Variants in PPARGC1B observed in about 807,000 individuals in gnomAD.
PPARGC1B encodes PPARG coactivator 1 beta, also known as peroxisome proliferator-activated receptor gamma coactivator 1-beta.
PPARGC1B carries 34 observed loss-of-function variants against 101.6 expected under a neutral mutation model. The ratio of observed to expected loss-of-function variants is 0.33; its 90% CI spans 0.25 to 0.45. PPARGC1B has a LOEUF of 0.45. Ranked by LOEUF, PPARGC1B falls within the 20% of genes least tolerant of loss-of-function variation. The pLI, the probability that PPARGC1B is intolerant of heterozygous loss-of-function variation, is 1.00. For synonymous variants in PPARGC1B, 548 were observed against 539.3 expected (o/e 1.02, Z -0.22); for missense variants, 1,234 against 1,317.6 (o/e 0.94, Z 0.98).
Position 149,730,574 on chromosome 5 carries a change from G to A in PPARGC1B, c.78+154G>A, listed in dbSNP as rs551499101. ...CCCCCTTCCAGGCGCCCTGCGATGC[G>A]CTCCGTTACCGGGGCAGGGAGCCGG... is the stretch of plus-strand genomic sequence containing the variant. On this transcript the variant is annotated intron_variant, in intron 1 of 11. Transcript: ENST00000309241. This position sits in a 1 kb window ranked among gnomAD's most constrained non-coding sequence, Gnocchi z 4.0. 1.6e-4 allele frequency among the ~76,000 whole-genome samples: 24 copies of A among 152,184 alleles called. 1 individual carries two copies. In the South Asian group the frequency reaches 5.0e-3, roughly 32 times the overall value.
chr5:149,755,997 G>C (rs1403288816), intron 1 of PPARGC1B, among the ~76,000 whole-genome samples: 3 of 152,180 alleles, frequency 2.0e-5, no homozygotes, highest in Non-Finnish European at 4.4e-5. Context: ...GCAGCAGTCA[G>C]GGTTCAAGAC....
At position 149,763,174 on chromosome 5, in the gene PPARGC1B, C is replaced by T. The variant is rs568687889; in HGVS notation, c.78+32754C>T. Among the ~76,000 whole-genome samples, 39 of 151,812 alleles carry T rather than the reference C, an allele frequency of 2.6e-4. No individual in the cohort carries two copies. The East Asian group carries it at 7.4e-3, about 29-fold the overall frequency. On this transcript the variant is annotated intron_variant, in intron 1 of 11. Coordinates refer to ENST00000309241, the MANE Select transcript of PPARGC1B (RefSeq NM_133263.4). ...CCTCCCCACTCTGGCCCTGCAGCCTCGCTTGCTCCCTCCGGCCTTTGGCCC... is the reference window on the plus strand; with the variant it reads ...CCTCCCCACTCTGGCCCTGCAGCCTTGCTTGCTCCCTCCGGCCTTTGGCCC...
rs1278021708 is a variant in PPARGC1B at position 149,730,865 on chromosome 5, CTAGTCCTCCAGGCTG to C, written c.78+452_78+466del. On this transcript the variant is annotated intron_variant, in intron 1 of 11. Transcript: ENST00000309241. This position sits in a 1 kb window ranked among gnomAD's most constrained non-coding sequence, Gnocchi z 4.0. ...TGCATGCCCGGGTCTCCGGAGTCCC[CTAGTCCTCCAGGCTG>C]TAGTCCCCAGAGTGCTGTTGCTGGC... 6.6e-6 allele frequency among the ~76,000 whole-genome samples: 1 copy of C among 152,208 alleles called. No individual in the cohort carries two copies. The highest frequency in any genetic ancestry group is 1.5e-5 in the Non-Finnish European group (1 of 68,026).
chr5:149,833,408 AGAG>A lies in PPARGC1B; in HGVS notation c.1348_1350del (p.Glu450del), dbSNP rs775851646. ...AGGAGGAGGAAGAGGAAGAAGAAAA[AGAG>A]GAGGAGGAGGAGTGGGGCAGGAAAA... On this transcript the variant is annotated inframe_deletion, in exon 5 of 12. Transcript: ENST00000309241. The surrounding 1 kb of genome is among the most constrained non-coding windows in gnomAD (Gnocchi z 4.1). 8.1e-6 allele frequency: 13 copies of A among 1,603,164 alleles called. No individual in the cohort carries two copies. Among genetic ancestry groups the A allele is most frequent in the East Asian group, 4.5e-5 (2 of 44,344 alleles).
intron 1 of PPARGC1B, among the ~76,000 whole-genome samples, chr5:149,781,025 G>C (rs1756578307): frequency 6.6e-6 from 1 of 152,194 alleles, no homozygotes; most frequent in Non-Finnish European, 1.5e-5. Flanking sequence ...CCAACATGGT[G>C]AAACCCCCAT....
At chr5:149,800,154 C>T (rs1757383703) in intron 1 of PPARGC1B, among the ~76,000 whole-genome samples, 1 of 152,152 alleles carries the variant, frequency 6.6e-6, no homozygotes, top group Admixed American at 6.5e-5. Flanking sequence ...TCCTACTATT[C>T]TTGTGTGTCC....
Position 149,730,354 on chromosome 5 carries a change from C to T in PPARGC1B, c.12C>T (p.Asn4=). 3.2e-6 allele frequency: 5 copies of T among 1,565,572 alleles called. No homozygotes were observed. The highest frequency in any genetic ancestry group is 2.5e-5 in the East Asian group (1 of 40,494). MAG[N]DCGALLDEEL... Reference sequence around the variant, plus strand: ...GCCGCGGCTGGAAGATGGCGGGGAACGACTGCGGCGCGCTGCTGGACGAAG... The same window carrying T: ...GCCGCGGCTGGAAGATGGCGGGGAATGACTGCGGCGCGCTGCTGGACGAAG... The change falls in exon 1 of 12, where the codon AAC becomes AAT. Residue 4 remains asparagine, a synonymous_variant. Transcript: ENST00000309241. This position sits in a 1 kb window ranked among gnomAD's most constrained non-coding sequence, Gnocchi z 4.0.
At chr5:149,782,596 T>C (rs975934443) in intron 1 of PPARGC1B, among the ~76,000 whole-genome samples, 3 of 152,228 alleles carry the variant, frequency 2.0e-5, no homozygotes, top group African/African-American at 7.2e-5. Flanking sequence ...CCAGAGCAGC[T>C]GAGCTGGATA....
rs141168409 is a variant in PPARGC1B at position 149,833,232 on chromosome 5, C to T, written c.1159C>T (p.Arg387Cys). The T allele has an allele frequency of 1.7e-5, 27 of 1,613,222 alleles. No homozygotes were observed. The South Asian group carries it at 2.5e-4, about 15-fold the overall frequency. Reference sequence around the variant, plus strand: ...CAAAGACAGTCAGGCCTCCCCTGGTCGCCCGTCCTCGGTGGAGGAGGTAAG... The same window carrying T: ...CAAAGACAGTCAGGCCTCCCCTGGTTGCCCGTCCTCGGTGGAGGAGGTAAG... ...PPKDSQASPGRPSSVEEVRIA... is the reference protein window; with the variant it reads ...PPKDSQASPGCPSSVEEVRIA... Residue 387 changes from arginine to cysteine, a missense_variant, in exon 5 of 12, where the codon CGC becomes TGC. Physicochemically the swap from Arg to Cys is radical, Grantham distance 180. Coordinates refer to ENST00000309241, the MANE Select transcript of PPARGC1B (RefSeq NM_133263.4). This position sits in a 1 kb window ranked among gnomAD's most constrained non-coding sequence, Gnocchi z 4.1.
chr5:149,748,822 G>A (rs1183495445), intron 1 of PPARGC1B, among the ~76,000 whole-genome samples: 2 of 152,324 alleles, frequency 1.3e-5, no homozygotes, highest in African/African-American at 4.8e-5. Flanking sequence ...ATGTCTGGAA[G>A]AATCCAAAGA....
intron 6 of PPARGC1B, 126 bp from the exon 7 acceptor site, chr5:149,835,175 C>A: frequency 1.2e-6 from 1 of 840,176 alleles, no homozygotes; most frequent in Non-Finnish European, 2.0e-6. Flanking sequence ...GCATCTCAGG[C>A]TCCATTTCCA....
At chr5:149,741,123 G>T (rs1401974118) in intron 1 of PPARGC1B, among the ~76,000 whole-genome samples, 1 of 152,156 alleles carries the variant, frequency 6.6e-6, no homozygotes. Flanking sequence ...AGCCCTGCTT[G>T]GCTGAGAGAT....
intron 1 of PPARGC1B, among the ~76,000 whole-genome samples, chr5:149,787,961 G>C (rs10875550): frequency 0.45 from 68,092 of 152,000 alleles, 15,490 homozygotes; most frequent in East Asian, 0.7. Flanking sequence ...AGACCTAAAA[G>C]CATAAAAATC....
rs566122908 is a variant in PPARGC1B, at chr5:149,832,551, A to G, written c.583-105A>G. 26 of 920,924 alleles carry G rather than the reference A, an allele frequency of 2.8e-5. No individual in the cohort carries two copies. Among genetic ancestry groups the G allele is most frequent in the East Asian group, 1.3e-4 (5 of 38,046 alleles). 57.0% of individuals were successfully genotyped at this position (920,924 alleles called of 1,614,324 possible). ...GAATGAAGGAAACCTGGCTGTTCCT[A>G]TGATCCAGGTGAGACACAATGGGCC... On this transcript the variant is annotated intron_variant, in intron 4 of 11. Transcript: ENST00000309241. The surrounding 1 kb of genome is among the most constrained non-coding windows in gnomAD (Gnocchi z 4.9).
At chr5:149,800,222 T>C (rs887227177) in intron 1 of PPARGC1B, among the ~76,000 whole-genome samples, 1 of 152,168 alleles carries the variant, frequency 6.6e-6, no homozygotes, top group Admixed American at 6.6e-5. Context: ...ATAAAAAAAG[T>C]GTAAACAGGA....
At chr5:149,766,031 A>G (rs557644540) in intron 1 of PPARGC1B, among the ~76,000 whole-genome samples, 2 of 152,370 alleles carry the variant, frequency 1.3e-5, no homozygotes, top group African/African-American at 4.8e-5. Flanking sequence ...AAATGAATAC[A>G]TATAGAAATG....
intron 1 of PPARGC1B, among the ~76,000 whole-genome samples, chr5:149,752,052 T>A (rs1273196474): frequency 6.6e-6 from 1 of 152,248 alleles, no homozygotes; most frequent in East Asian, 1.9e-4. Context: ...GCTACTTCCC[T>A]GTGCATGTGC....
chr5:149,801,834 C>A (rs1757439713), intron 1 of PPARGC1B, among the ~76,000 whole-genome samples: 1 of 152,146 alleles, frequency 6.6e-6, no homozygotes, highest in Non-Finnish European at 1.5e-5. Context: ...GAAGGCCCAG[C>A]AACCCAGAGA....
chr5:149,832,751 C>T lies in PPARGC1B; in HGVS notation c.678C>T (p.Cys226=), dbSNP rs1296901856. 1.9e-6 allele frequency: 3 copies of T among 1,612,318 alleles called. No individual in the cohort carries two copies. The highest frequency in any genetic ancestry group is 1.1e-5 in the South Asian group (1 of 90,928). Residue 226 remains cysteine, a synonymous_variant, in exon 5 of 12, where the codon TGC becomes TGT. Transcript: ENST00000309241. The surrounding 1 kb of genome is among the most constrained non-coding windows in gnomAD (Gnocchi z 4.9). Reference sequence around the variant, plus strand: ...AGCACCTCACCTCGGCACAGTGCTGCCTGCAGGATCGGGGTCTGCAGCCAC... The same window carrying T: ...AGCACCTCACCTCGGCACAGTGCTGTCTGCAGGATCGGGGTCTGCAGCCAC... ...LHKHLTSAQC[C]LQDRGLQPPC... is the part of the protein sequence containing the mutation.
Sources: allele counts gnomAD v4.1 joint callset (sites outside exome capture counted in the v4.1 genomes callset), GRCh38; gene constraint gnomAD v4.1.1; non-coding constraint Gnocchi (gnomAD v3.1); transcripts MANE v1.5; gene names NCBI Gene and HGNC (gene_info 2026-07-23, HGNC 2026-07-21).